Variants in SLC35F4 observed in about 807,000 individuals in gnomAD.
SLC35F4 encodes the protein solute carrier family 35 member F4, also known as chromosome 14 open reading frame 36.
In SLC35F4, 24 loss-of-function variants were observed where a neutral mutation model predicts 44.2. The observed-to-expected ratio is 0.54, with a 90% CI of 0.39 to 0.76. The LOEUF is 0.76. Among genes scored for constraint, SLC35F4 ranks in the 30% least tolerant of loss-of-function variants. The pLI is 0.00. For synonymous variants in SLC35F4, 238 were observed against 223.6 expected, an observed-to-expected ratio of 1.06 and a Z score of -0.57; for missense variants, 562 against 586.1, an observed-to-expected ratio of 0.96 and a Z score of 0.42.
At chr14:57,694,462 C>G (rs145113383) in intron 1 of SLC35F4, among the ~76,000 whole-genome samples, 111 of 152,188 alleles carry the variant, frequency 7.3e-4, no homozygotes, top group African/African-American at 2.6e-3. Flanking sequence ...TTCTGTAGCT[C>G]TAATGTACTC....
chr14:57,872,246 A>T (rs1436858632), intron 1 of SLC35F4, among the ~76,000 whole-genome samples: 1 of 152,228 alleles, frequency 6.6e-6, no homozygotes, highest in Non-Finnish European at 1.5e-5. Context: ...GTTTTATTTC[A>T]TCATTATTTT....
chr14:57,625,583 G>GTACTGGTA (rs1451130550), intron 1 of SLC35F4, among the ~76,000 whole-genome samples: 7 of 152,138 alleles, frequency 4.6e-5, no homozygotes, highest in Non-Finnish European at 7.4e-5. Context: ...AAACAGCATG[G>GTACTGGTA]TACTGGTACC....
At chr14:57,945,265 A>T (rs559933670) in intron 1 of SLC35F4, among the ~76,000 whole-genome samples, 1 of 152,148 alleles carries the variant, frequency 6.6e-6, no homozygotes, top group Non-Finnish European at 1.5e-5. Context: ...TTTGTGAATT[A>T]CCAAAGAGGC....
chr14:57,837,998 G>A (rs1007101466), intron 1 of SLC35F4, among the ~76,000 whole-genome samples: 8 of 152,150 alleles, frequency 5.3e-5, no homozygotes, highest in African/African-American at 9.6e-5. Context: ...TATGAGTCCC[G>A]TGCTTTTACA....
At chr14:57,625,003 G>T (rs2072401339) in intron 1 of SLC35F4, among the ~76,000 whole-genome samples, 1 of 152,170 alleles carries the variant, frequency 6.6e-6, no homozygotes. Flanking sequence ...TAGAAAAAGA[G>T]GAAGTCAAAT....
At chr14:57,927,938 C>T (rs1261065362) in intron 1 of SLC35F4, among the ~76,000 whole-genome samples, 1 of 152,030 alleles carries the variant, frequency 6.6e-6, no homozygotes, top group Non-Finnish European at 1.5e-5. Flanking sequence ...TCTAGATCTC[C>T]AAGATTTTCT....
intron 1 of SLC35F4, among the ~76,000 whole-genome samples, chr14:57,900,049 C>T (rs538545808): frequency 6.6e-6 from 1 of 152,236 alleles, no homozygotes; most frequent in African/African-American, 2.4e-5. Flanking sequence ...AGCCTCCCTG[C>T]GATTGGCTAC....
At chr14:57,736,206 GGTCCTCTAAGA>G (rs1256244674) in intron 1 of SLC35F4, among the ~76,000 whole-genome samples, 2 of 152,158 alleles carry the variant, frequency 1.3e-5, no homozygotes, top group Non-Finnish European at 2.9e-5. Context: ...CTCTGGCTGT[GGTCCTCTAAGA>G]GTCGAAATCT....
At chr14:57,746,938 C>CAGGTAGA (rs2076770439) in intron 1 of SLC35F4, among the ~76,000 whole-genome samples, 1 of 152,138 alleles carries the variant, frequency 6.6e-6, no homozygotes, top group African/African-American at 2.4e-5. Flanking sequence ...GTATGGCCAT[C>CAGGTAGA]TACCTGCCAT....
chr14:57,937,555 GAAAGA>G (rs78960216), intron 1 of SLC35F4, among the ~76,000 whole-genome samples: 27,559 of 125,692 alleles, frequency 0.22, 3,524 homozygotes, highest in East Asian at 0.3. Flanking sequence ...AGGAAGGAAG[GAAAGA>G]AAAGAAAAGA....
At chr14:57,596,425 G>T in intron 1 of SLC35F4, 1 of 278,870 alleles carries the variant, frequency 3.6e-6, no homozygotes, top group Non-Finnish European at 7.0e-6. Flanking sequence ...CGGACTGTCT[G>T]AAATTCAGTG....
intron 4 of SLC35F4, among the ~76,000 whole-genome samples, chr14:57,573,589 G>T (rs2068628248): frequency 6.6e-6 from 1 of 151,842 alleles, no homozygotes; most frequent in Non-Finnish European, 1.5e-5. Context: ...CTGGATAAAG[G>T]TCTAGACTCA....
intron 1 of SLC35F4, among the ~76,000 whole-genome samples, chr14:57,803,873 A>C (rs531475941): frequency 1.3e-5 from 2 of 151,998 alleles, no homozygotes; most frequent in Non-Finnish European, 2.9e-5. Context: ...TACAGACGTG[A>C]GCCACCCAGT....
chr14:57,583,316 T>C (rs751548996), intron 3 of SLC35F4, among the ~76,000 whole-genome samples: 4 of 152,206 alleles, frequency 2.6e-5, no homozygotes, highest in Non-Finnish European at 4.4e-5. Flanking sequence ...AGCTGCCGTG[T>C]AGAGCTGGAG....
intron 1 of SLC35F4, among the ~76,000 whole-genome samples, chr14:57,925,504 AGGGAGGGAGGG>A: frequency 9.4e-5 from 1 of 10,620 alleles, no homozygotes; most frequent in Non-Finnish European, 1.6e-4. Flanking sequence ...GAAGGGAGGG[AGGGAGGGAGGG>A]AGGGAGGGAG....
At chr14:57,840,395 A>G (rs2140958978) in intron 1 of SLC35F4, among the ~76,000 whole-genome samples, 1 of 152,358 alleles carries the variant, frequency 6.6e-6, no homozygotes, top group African/African-American at 2.4e-5. Flanking sequence ...TTTGTCATAG[A>G]GACTATACCA....
chr14:57,888,742 T>C (rs1013609805), intron 1 of SLC35F4, among the ~76,000 whole-genome samples: 5 of 152,224 alleles, frequency 3.3e-5, no homozygotes, highest in Admixed American at 1.3e-4. Flanking sequence ...CATTTTTGTT[T>C]TGAACTTATT....
At chr14:57,897,468 A>G (rs1888896659) in intron 1 of SLC35F4, among the ~76,000 whole-genome samples, 1 of 151,828 alleles carries the variant, frequency 6.6e-6, no homozygotes. Flanking sequence ...TTCCTTTGCA[A>G]GGAGAGAACA....
chr14:57,824,688 C>A lies in SLC35F4; in HGVS notation c.103+41035G>T, dbSNP rs148235989. On this transcript the variant is annotated intron_variant, in intron 1 of 7. Coordinates refer to ENST00000556826, the MANE Select transcript of SLC35F4 (RefSeq NM_001306087.2). ...AGAGTGTTCCAGGCAGAGGAAACAC[C>A]TATTGCAAAGGTTCTGAACTTTGAA... Among the ~76,000 whole-genome samples, 194 of 152,186 alleles carry A rather than the reference C, an allele frequency of 1.3e-3. 1 individual carries two copies. The highest frequency in any genetic ancestry group is 4.4e-3 in the African/African-American group (183 of 41,526).
Sources: allele counts gnomAD v4.1 joint callset (sites outside exome capture counted in the v4.1 genomes callset), GRCh38; gene constraint gnomAD v4.1.1; transcripts MANE v1.5; gene names NCBI Gene and HGNC (gene_info 2026-07-23, HGNC 2026-07-21).